The following ETFA variants were observed in gnomAD, a reference collection of about 807,000 sequenced individuals.
ETFA encodes the protein electron transfer flavoprotein subunit alpha, mitochondrial.
In ETFA, 22 loss-of-function variants were observed where a neutral mutation model predicts 46.2. That is an observed-to-expected ratio of 0.48 (90% confidence interval 0.34 to 0.68). The LOEUF is 0.68. Ranked by LOEUF, ETFA falls within the 30% of genes least tolerant of loss-of-function variation. The pLI is 0.01. For synonymous variants in ETFA, 131 were observed against 139.9 expected (o/e 0.94, Z 0.45); for missense variants, 345 against 401.1 (o/e 0.86, Z 1.19).
chr15:76,303,201 C>T (rs951839563), intron 1 of ETFA, among the ~76,000 whole-genome samples: 4 of 151,922 alleles, frequency 2.6e-5, no homozygotes, highest in South Asian at 2.1e-4. Context: ...CCAGCTCTTC[C>T]GAAGGCTGCG....
chr15:76,291,729 C>T (rs1036076533), intron 4 of ETFA, among the ~76,000 whole-genome samples: 11 of 151,016 alleles, frequency 7.3e-5, no homozygotes, highest in African/African-American at 2.7e-4. Flanking sequence ...CCAACCTGGG[C>T]GACAGTGAGA....
At chr15:76,271,529 T>C (rs554791913) in intron 9 of ETFA, among the ~76,000 whole-genome samples, 50 of 152,316 alleles carry the variant, frequency 3.3e-4, no homozygotes, top group Admixed American at 1.3e-3. Context: ...ATATTTAAGA[T>C]TGAAGGACAC....
At chr15:76,296,806 A>G (rs1240122965) in intron 1 of ETFA, among the ~76,000 whole-genome samples, 1 of 152,220 alleles carries the variant, frequency 6.6e-6, no homozygotes, top group East Asian at 1.9e-4. Context: ...TGTATATTTC[A>G]CAGGAAATTA....
intron 8 of ETFA, 108 bp from the exon 9 acceptor site, chr15:76,274,602 A>G (rs1274803831): frequency 3.4e-6 from 3 of 884,722 alleles, no homozygotes; most frequent in Admixed American, 2.0e-5. Flanking sequence ...TCTAAGTACT[A>G]GTATATTTTA....
At chr15:76,291,569 T>G (rs961688386) in intron 4 of ETFA, among the ~76,000 whole-genome samples, 4 of 150,060 alleles carry the variant, frequency 2.7e-5, no homozygotes, top group Non-Finnish European at 4.4e-5. Flanking sequence ...GCTAACACAG[T>G]GAAACCCCGT....
intron 9 of ETFA, among the ~76,000 whole-genome samples, chr15:76,252,876 T>TAC (rs34804508): frequency 2.0e-4 from 29 of 147,566 alleles, no homozygotes; most frequent in African/African-American, 2.8e-4. Flanking sequence ...TGTATGTGTA[T>TAC]ACACACACAC....
At chr15:76,287,210 C>T (rs1274511409) in intron 5 of ETFA, among the ~76,000 whole-genome samples, 2 of 152,204 alleles carry the variant, frequency 1.3e-5, no homozygotes, top group African/African-American at 4.8e-5. Flanking sequence ...GTTGCCCAGG[C>T]TGGAGTGCTG....
Position 76,286,358 on chromosome 15 carries a change from A to C in ETFA, c.562+13T>G. ...TAAGAAACAAAACAAAAAAACTCCA[A>C]ATGAACACTCACCCTTTTCTGAACT... On this transcript the variant is annotated intron_variant, in intron 6 of 11. Transcript: ENST00000557943. 2 of 1,542,296 alleles carry C rather than the reference A, an allele frequency of 1.3e-6. No individual in the cohort carries two copies. Among genetic ancestry groups the C allele is most frequent in the Non-Finnish European group, 1.8e-6 (2 of 1,116,074 alleles).
chr15:76,285,565 T>A, intron 7 of ETFA, 72 bp downstream of exon 7: 2 of 886,818 alleles, frequency 2.3e-6, no homozygotes, highest in Non-Finnish European at 3.7e-6. Flanking sequence ...ACTTCTAAAA[T>A]AAATACTAAA....
intron 10 of ETFA, among the ~76,000 whole-genome samples, chr15:76,226,787 G>A (rs2039008753): frequency 6.6e-6 from 1 of 152,182 alleles, no homozygotes; most frequent in Admixed American, 6.5e-5. Context: ...GCTGAGGCAG[G>A]AGAATGGCGT....
chr15:76,306,802 A>G (rs2039944791), intron 1 of ETFA, among the ~76,000 whole-genome samples: 1 of 152,210 alleles, frequency 6.6e-6, no homozygotes, highest in African/African-American at 2.4e-5. Context: ...TGTAATACTA[A>G]AAACACAGTC....
At chr15:76,259,008 A>G (rs1478470789) in intron 9 of ETFA, 3 of 1,607,036 alleles carry the variant, frequency 1.9e-6, no homozygotes, top group Non-Finnish European at 2.6e-6. Flanking sequence ...GTGTGGCAGT[A>G]GCCCTTGCTG....
chr15:76,270,577 T>C (rs983538230), intron 9 of ETFA, among the ~76,000 whole-genome samples: 15 of 152,148 alleles, frequency 9.9e-5, no homozygotes, highest in African/African-American at 2.4e-5. Context: ...ATAACTAGCA[T>C]TGAGATATTG....
chr15:76,256,315 A>G (rs912272066), intron 9 of ETFA, among the ~76,000 whole-genome samples: 2 of 151,816 alleles, frequency 1.3e-5, no homozygotes, highest in Admixed American at 6.6e-5. Flanking sequence ...ACCTTGGATT[A>G]CATGTATATT....
chr15:76,294,355 C>T (rs1457192291), intron 2 of ETFA, among the ~76,000 whole-genome samples: 1 of 152,140 alleles, frequency 6.6e-6, no homozygotes, highest in Non-Finnish European at 1.5e-5. Flanking sequence ...ATAGCTTAGC[C>T]ATCACACATC....
chr15:76,295,640 C>T lies in ETFA; in HGVS notation c.137G>A (p.Arg46His), dbSNP rs865839624. ...TAAGCAGGACACTTCACCTCCAAGG[C>T]GTGTGGCTGCAGTAATGGTATTTAA... ...ITLNTITAAT[R>H]LGGEVSCLVA... The change falls in exon 2 of 12, where the codon CGC (arginine) becomes CAC (histidine). Residue 46 changes from arginine to histidine, a missense_variant. Arg to His is a conservative substitution (Grantham distance 29, BLOSUM62 0). Transcript: ENST00000557943. The T allele has an allele frequency of 6.8e-6, 11 of 1,613,564 alleles. No homozygotes were observed. Among genetic ancestry groups the T allele is most frequent in the Middle Eastern group, 1.7e-4 (1 of 6,060 alleles).
intron 11 of ETFA, among the ~76,000 whole-genome samples, chr15:76,216,834 T>G (rs1191948432): frequency 7.3e-6 from 1 of 136,960 alleles, no homozygotes; most frequent in African/African-American, 2.8e-5. Context: ...CCTAGGTGCC[T>G]TTTGCCTTTT....
chr15:76,222,553 G>C, intron 11 of ETFA, among the ~76,000 whole-genome samples: 1 of 152,086 alleles, frequency 6.6e-6, no homozygotes, highest in East Asian at 1.9e-4. Flanking sequence ...GTCTGTCAAA[G>C]GTGCGATTTT....
intron 9 of ETFA, chr15:76,261,663 GC>G (rs1369805464): frequency 5.4e-6 from 2 of 372,330 alleles, no homozygotes; most frequent in African/African-American, 4.2e-5. Flanking sequence ...AGGAGCCCCA[GC>G]CGCCCCATGC....
Sources: allele counts gnomAD v4.1 joint callset (sites outside exome capture counted in the v4.1 genomes callset), GRCh38; gene constraint gnomAD v4.1.1; transcripts MANE v1.5; gene names NCBI Gene and HGNC (gene_info 2026-07-23, HGNC 2026-07-21).